CELF2: variants seen among roughly 807,000 people sequenced by gnomAD.
CELF2 encodes the protein CUG triplet repeat RNA-binding protein 2.
Under a neutral mutation model 62.6 loss-of-function variants are expected in CELF2, and 8 were observed. The observed-to-expected ratio is 0.13, with a 90% confidence interval of 0.07 to 0.23. CELF2 has a LOEUF of 0.23. CELF2 is among the 10% of genes least tolerant of loss of function. The pLI is 1.00. For synonymous variants in CELF2, 258 were observed against 250.0 expected, an observed-to-expected ratio of 1.03 and a Z score of -0.30; for missense variants, 333 against 671.0, an observed-to-expected ratio of 0.50 and a Z score of 5.56.
chr10:11,176,095 G>C (rs2070985149), intron 2 of CELF2, among the ~76,000 whole-genome samples: 1 of 152,200 alleles, frequency 6.6e-6, no homozygotes, highest in Non-Finnish European at 1.5e-5. Context: ...GATGAAGTGA[G>C]AGAACATTAG....
the CELF2 span, among the ~76,000 whole-genome samples, chr10:10,625,910 A>C: frequency 6.7e-6 from 1 of 149,512 alleles, no homozygotes; most frequent in Non-Finnish European, 1.5e-5. Flanking sequence ...ATTTCATGTG[A>C]TTCTTTTTTT....
At chr10:11,272,270 CT>C (rs2084102086) in intron 7 of CELF2, among the ~76,000 whole-genome samples, 1 of 152,202 alleles carries the variant, frequency 6.6e-6, no homozygotes, top group Non-Finnish European at 1.5e-5. Context: ...TTGCTAAAAT[CT>C]ATATTTGCTC....
rs1467750305 is a variant in CELF2, at chr10:11,243,416, TGAATG to T, written c.355-5735_355-5731del. Among the ~76,000 whole-genome samples the T allele has an allele frequency of 2.4e-4, 36 of 150,788 alleles. No homozygotes were observed. Among genetic ancestry groups the T allele is most frequent in the African/African-American group, 7.3e-4 (30 of 41,028 alleles). On this transcript the variant is annotated intron_variant, in intron 3 of 12. Transcript: ENST00000633077. The surrounding 1 kb of genome is among the most constrained non-coding windows in gnomAD (Gnocchi z 4.1). The stretch of plus-strand genomic sequence containing the variant: ...ATGTACCATCAAGGAAATCTTCACA[TGAATG>T]GGTTTAGAAGCCTTTCTTGATAGCA...
At chr10:11,219,345 A>G (rs896697241) in intron 3 of CELF2, among the ~76,000 whole-genome samples, 1 of 152,226 alleles carries the variant, frequency 6.6e-6, no homozygotes, top group African/African-American at 2.4e-5. Flanking sequence ...AACATGTTTT[A>G]TATTTTTTAA....
upstream of CELF2, among the ~76,000 whole-genome samples, chr10:11,001,819 A>G (rs1344376006): frequency 6.6e-6 from 1 of 152,078 alleles, no homozygotes; most frequent in African/African-American, 2.4e-5. Context: ...CCAACCAAAT[A>G]TAGTAATAAT....
At chr10:10,944,049 C>G (rs2047366332) in intron 2 of CELF2, 1 of 152,434 alleles carries the variant, frequency 6.6e-6, no homozygotes, top group Non-Finnish European at 1.5e-5. Flanking sequence ...TGAAGAGTCT[C>G]TTTTCTAGTA....
rs992982940 is a variant in CELF2 at position 11,315,812 on chromosome 10, A to C, written c.1096+1554A>C. On this transcript the variant is annotated intron_variant, in intron 10 of 12. Transcript: ENST00000633077. The surrounding 1 kb of genome is among the most constrained non-coding windows in gnomAD (Gnocchi z 5.8). ...ATTTCCGGTACAGCTCCTCGCTCTG[A>C]CCTTGTCCTTCACCTAGGTCGAGGA... Among the ~76,000 whole-genome samples, 4 of 152,156 alleles carry C rather than the reference A, an allele frequency of 2.6e-5. No homozygotes were observed. The highest frequency in any genetic ancestry group is 9.7e-5 in the African/African-American group (4 of 41,418).
the CELF2 span, among the ~76,000 whole-genome samples, chr10:10,741,670 G>T: frequency 1.3e-5 from 2 of 152,182 alleles, no homozygotes; most frequent in East Asian, 1.9e-4. Context: ...CTTCAAATCA[G>T]TGTTCAACAG....
intron 7 of CELF2, among the ~76,000 whole-genome samples, chr10:11,273,614 A>C (rs547263005): frequency 1.3e-5 from 2 of 152,080 alleles, no homozygotes; most frequent in African/African-American, 4.8e-5. Flanking sequence ...AGTCATATCC[A>C]TGTGTAGGGT....
chr10:10,974,379 G>C lies in CELF2; in HGVS notation c.89+54380G>C, dbSNP rs972949664. 1.3e-4 allele frequency among the ~76,000 whole-genome samples: 20 copies of C among 152,286 alleles called. 1 individual carries two copies. The East Asian group carries it at 3.7e-3, about 28-fold the overall frequency. On this transcript the variant is annotated intron_variant, in intron 2 of 13. Coordinates refer to the CELF2 transcript ENST00000636488. ...ATAATTTTCTCTCTAACTGTAGTTA[G>C]AGAGAGGTGTTAGAAACAGTAAGCC...
chr10:10,866,820 T>G (rs1033292073), intron 1 of CELF2, among the ~76,000 whole-genome samples: 2 of 149,194 alleles, frequency 1.3e-5, no homozygotes, highest in South Asian at 4.2e-4. Flanking sequence ...CCCGGGAGGC[T>G]GAGGCAGGAG....
intron 2 of CELF2, among the ~76,000 whole-genome samples, chr10:11,173,701 C>T (rs781466969): frequency 3.3e-5 from 5 of 152,154 alleles, no homozygotes; most frequent in Non-Finnish European, 5.9e-5. Context: ...CATCCATTCT[C>T]CTGCTTCATT....
rs1013123865 is a variant in CELF2, at chr10:11,080,471, T to C, written c.74+62308T>C. ...GACCAGGAACATACAGTTTGCAGTT[T>C]ACCTGTGATTACTCAGAAAATGGAT... On this transcript the variant is annotated intron_variant, in intron 1 of 12. Transcript: ENST00000633077. 7.2e-5 allele frequency among the ~76,000 whole-genome samples: 11 copies of C among 152,214 alleles called. 1 individual carries two copies. Among genetic ancestry groups the C allele is most frequent in the African/African-American group, 2.4e-4 (10 of 41,458 alleles).
chr10:11,190,299 A>G (rs1424074108), intron 2 of CELF2, among the ~76,000 whole-genome samples: 1 of 150,186 alleles, frequency 6.7e-6, no homozygotes. Flanking sequence ...TGAACATCAA[A>G]TTAGGTATTG....
chr10:10,518,412 T>A, the CELF2 span, among the ~76,000 whole-genome samples: 1 of 152,308 alleles, frequency 6.6e-6, no homozygotes, highest in South Asian at 2.1e-4. Context: ...GGAGATTGTA[T>A]TTCACCTTCC....
At chr10:10,898,986 A>C (rs569794275) in intron 1 of CELF2, among the ~76,000 whole-genome samples, 1 of 152,362 alleles carries the variant, frequency 6.6e-6, no homozygotes, top group African/African-American at 2.4e-5. Context: ...ACATTTCTGC[A>C]TAATGAATGG....
At chr10:11,253,438 T>C (rs537454366) in intron 4 of CELF2, among the ~76,000 whole-genome samples, 1 of 152,234 alleles carries the variant, frequency 6.6e-6, no homozygotes, top group African/African-American at 2.4e-5. Context: ...ATAGGAATCA[T>C]GGGGTGGCTC....
chr10:11,203,596 T>A (rs2059765567), intron 2 of CELF2, among the ~76,000 whole-genome samples: 1 of 152,146 alleles, frequency 6.6e-6, no homozygotes, highest in Admixed American at 6.5e-5. Context: ...AGACACCCCC[T>A]CTCCATGCCT....
the CELF2 span, among the ~76,000 whole-genome samples, chr10:10,727,472 G>C: frequency 1.3e-5 from 2 of 152,046 alleles, no homozygotes; most frequent in Non-Finnish European, 2.9e-5. Flanking sequence ...ATCTGCCCTT[G>C]ATTGCACTAT....
Sources: allele counts gnomAD v4.1 joint callset (sites outside exome capture counted in the v4.1 genomes callset), GRCh38; gene constraint gnomAD v4.1.1; non-coding constraint Gnocchi (gnomAD v3.1); transcripts MANE v1.5; gene names NCBI Gene and HGNC (gene_info 2026-07-23, HGNC 2026-07-21).